CCDC171: variants seen among roughly 807,000 people sequenced by gnomAD.
CCDC171 encodes the protein coiled-coil domain containing 171, also known as coiled-coil domain-containing protein 171.
A neutral mutation model predicts 168.2 loss-of-function variants in CCDC171; 177 were observed. The observed-to-expected ratio is 1.05, with a 90% CI of 0.93 to 1.19. The LOEUF (loss-of-function observed/expected upper bound fraction) is 1.19, where lower values mean the gene tolerates loss of function less well. Among genes scored for constraint, CCDC171 ranks in the 50% most tolerant of loss-of-function variants. The pLI, the probability that CCDC171 is intolerant of heterozygous loss-of-function variation, is 0.00. For synonymous variants in CCDC171, 687 were observed against 540.8 expected, an observed-to-expected ratio of 1.27 and a Z score of -3.75; for missense variants, 1,991 against 1,539.0, an observed-to-expected ratio of 1.29 and a Z score of -4.91.
rs763485747 is a variant in CCDC171 at position 15,971,672 on chromosome 9, A to G, written c.3817A>G (p.Thr1273Ala). The G allele has an allele frequency of 3.1e-6, 5 of 1,613,756 alleles. No individual in the cohort carries two copies. ...PSRAPLPADT[T>A]GIGDFLPLKA... is the part of the protein sequence containing the mutation. ...AAGAGCTCCTCTTCCTGCTGACACA[A>G]CTGGTATTGGGGATTTCTTACCATT... Residue 1273 changes from threonine (T) to alanine (A), a missense_variant, in exon 26 of 26, where the codon ACT becomes GCT. By Grantham distance (58) the Thr-to-Ala change is moderately conservative. Coordinates refer to ENST00000380701, the MANE Select transcript of CCDC171 (RefSeq NM_173550.4).
chr9:15,865,731 C>A (rs982716153), intron 23 of CCDC171, among the ~76,000 whole-genome samples: 2 of 151,874 alleles, frequency 1.3e-5, no homozygotes, highest in African/African-American at 4.8e-5. Flanking sequence ...AGTAAGGCTT[C>A]CAATAGTAGA....
At chr9:15,762,539 G>A (rs2056504599) in intron 18 of CCDC171, among the ~76,000 whole-genome samples, 1 of 152,062 alleles carries the variant, frequency 6.6e-6, no homozygotes, top group African/African-American at 2.4e-5. Flanking sequence ...ATGTTCCTTA[G>A]GCTAAGAGTA....
At chr9:16,104,822 A>T in the CCDC171 span, among the ~76,000 whole-genome samples, 1 of 152,124 alleles carries the variant, frequency 6.6e-6, no homozygotes, top group African/African-American at 2.4e-5. Context: ...ATGATGACCA[A>T]ATATAGATGT....
At position 15,908,921 on chromosome 9, in the gene CCDC171, A is replaced by T. The variant is rs573307466; in HGVS notation, c.3601-11349A>T. Among the ~76,000 whole-genome samples, 16 of 152,276 alleles carry T rather than the reference A, an allele frequency of 1.1e-4. No individual in the cohort carries two copies. The South Asian group carries it at 2.3e-3, about 22-fold the overall frequency. ...CCAGGTCCCGCTTCCAGCACTGGGG[A>T]TTACAATTCAACATGAGACTTGGGT... On this transcript the variant is annotated intron_variant, in intron 24 of 25. Transcript: ENST00000380701.
At chr9:15,980,273 C>T (rs747254926) in intron 3 of CCDC171, among the ~76,000 whole-genome samples, 3 of 152,100 alleles carry the variant, frequency 2.0e-5, no homozygotes, top group Admixed American at 6.6e-5. Flanking sequence ...AATCTGCCCC[C>T]GAATTCAAAC....
intron 9 of CCDC171, among the ~76,000 whole-genome samples, chr9:15,676,944 A>T (rs976483908): frequency 6.6e-6 from 1 of 152,144 alleles, no homozygotes; most frequent in Non-Finnish European, 1.5e-5. Flanking sequence ...ATTATTATAC[A>T]TGATAAAATA....
At chr9:15,813,303 A>G (rs543847807) in intron 21 of CCDC171, among the ~76,000 whole-genome samples, 20 of 152,340 alleles carry the variant, frequency 1.3e-4, no homozygotes, top group African/African-American at 4.6e-4. Context: ...TTTGGAAGCC[A>G]TGTGTTAAAG....
intron 8 of CCDC171, among the ~76,000 whole-genome samples, chr9:15,664,441 G>T (rs922206097): frequency 1.3e-5 from 2 of 151,932 alleles, no homozygotes; most frequent in African/African-American, 4.8e-5. Context: ...TAGAGATGGG[G>T]TTTCACCATG....
intron 1 of CCDC171, among the ~76,000 whole-genome samples, chr9:15,559,271 C>A (rs2039072685): frequency 1.3e-5 from 2 of 152,100 alleles, no homozygotes; most frequent in African/African-American, 4.8e-5. Context: ...GAGCTGAGTT[C>A]AATTCCTGGA....
intron 25 of CCDC171, among the ~76,000 whole-genome samples, chr9:15,936,996 G>C (rs1827194179): frequency 6.6e-6 from 1 of 152,018 alleles, no homozygotes. Context: ...ACATTAAAGG[G>C]ATAGTTAACT....
At chr9:16,102,488 T>TGGGGGGG in the CCDC171 span, among the ~76,000 whole-genome samples, 6 of 50,080 alleles carry the variant, frequency 1.2e-4, no homozygotes, top group African/African-American at 1.7e-4. Context: ...AAACGTGTGT[T>TGGGGGGG]GGGGGGGGGC....
At chr9:15,964,705 A>T (rs1830636070) in intron 25 of CCDC171, among the ~76,000 whole-genome samples, 5 of 152,200 alleles carry the variant, frequency 3.3e-5, no homozygotes, top group Admixed American at 3.3e-4. Flanking sequence ...CTTGTCAGGC[A>T]CAAGGTATCT....
chr9:15,568,355 C>T (rs185247315), intron 2 of CCDC171, among the ~76,000 whole-genome samples: 2 of 151,014 alleles, frequency 1.3e-5, no homozygotes, highest in African/African-American at 2.4e-5. Flanking sequence ...GCTGCAAGCT[C>T]CGCCTCCCGG....
intron 3 of CCDC171, among the ~76,000 whole-genome samples, chr9:15,995,859 A>G (rs1015036824): frequency 2.0e-5 from 3 of 152,222 alleles, no homozygotes; most frequent in Admixed American, 6.5e-5. Flanking sequence ...ATTAATTGTC[A>G]TATATTCACT....
At chr9:15,631,403 A>C (rs2045682237) in intron 7 of CCDC171, among the ~76,000 whole-genome samples, 1 of 152,214 alleles carries the variant, frequency 6.6e-6, no homozygotes, top group Non-Finnish European at 1.5e-5. Flanking sequence ...CCTCTACGCA[A>C]ATAAACTAGA....
chr9:15,952,017 A>T lies in CCDC171; in HGVS notation c.3754-19592A>T, dbSNP rs181045598. On this transcript the variant is annotated intron_variant, in intron 25 of 25. Transcript: ENST00000380701. ...TTTTTGGTCTTACATTAGGTCCTTGATCCATTTTGATTTAATTTGTGTACA... is the reference window on the plus strand; with the variant it reads ...TTTTTGGTCTTACATTAGGTCCTTGTTCCATTTTGATTTAATTTGTGTACA... 7.6e-3 allele frequency among the ~76,000 whole-genome samples: 1,153 copies of T among 152,104 alleles called. 11 individuals are homozygous for T. The highest frequency in any genetic ancestry group is 0.012 in the Non-Finnish European group (821 of 67,976).
intron 11 of CCDC171, among the ~76,000 whole-genome samples, chr9:15,714,476 C>G (rs766799481): frequency 6.6e-6 from 1 of 152,144 alleles, no homozygotes; most frequent in African/African-American, 2.4e-5. Flanking sequence ...AATTACCTGA[C>G]CTCTGTAAGC....
chr9:15,686,471 C>T (rs925329910), intron 10 of CCDC171, among the ~76,000 whole-genome samples: 1 of 151,506 alleles, frequency 6.6e-6, no homozygotes, highest in Non-Finnish European at 1.5e-5. Context: ...GCCGAGATCG[C>T]GCCACTGCAC....
At chr9:15,657,732 A>G (rs1440979313) in intron 8 of CCDC171, among the ~76,000 whole-genome samples, 1 of 152,252 alleles carries the variant, frequency 6.6e-6, no homozygotes, top group Non-Finnish European at 1.5e-5. Flanking sequence ...CCAGATATAT[A>G]GATGCTTACA....
Sources: allele counts gnomAD v4.1 joint callset (sites outside exome capture counted in the v4.1 genomes callset), GRCh38; gene constraint gnomAD v4.1.1; transcripts MANE v1.5; gene names NCBI Gene and HGNC (gene_info 2026-07-23, HGNC 2026-07-21).